THSD7A: variants seen among roughly 807,000 people sequenced by gnomAD.
THSD7A encodes the protein thrombospondin type 1 domain containing 7A, also known as thrombospondin type-1 domain-containing protein 7A.
In THSD7A, 96 loss-of-function variants were observed where a neutral mutation model predicts 231.3. The observed-to-expected ratio is 0.41, with a 90% CI of 0.35 to 0.49. The LOEUF is 0.49. Ranked by LOEUF, THSD7A falls within the 20% of genes least tolerant of loss-of-function variation. THSD7A has a pLI of 0.05. For synonymous variants in THSD7A, 940 were observed against 743.3 expected (o/e 1.26, Z -4.30); for missense variants, 2,290 against 2,070.2 (o/e 1.11, Z -2.06).
At chr7:11,568,643 AAAAAAAAAAAACC>A (rs1316571513) in intron 4 of THSD7A, among the ~76,000 whole-genome samples, 1 of 141,902 alleles carries the variant, frequency 7.0e-6, no homozygotes, top group Non-Finnish European at 1.5e-5. Flanking sequence ...AAAAAAAAAA[AAAAAAAAAAAACC>A]AAAATCTGGA....
chr7:11,651,714 T>C (rs1455944367), intron 1 of THSD7A, among the ~76,000 whole-genome samples: 1 of 151,938 alleles, frequency 6.6e-6, no homozygotes, highest in Non-Finnish European at 1.5e-5. Flanking sequence ...AAGCAAAAAG[T>C]AAAGGGCCAA....
intron 1 of THSD7A, among the ~76,000 whole-genome samples, chr7:11,667,844 T>C (rs1373693288): frequency 6.6e-6 from 1 of 152,168 alleles, no homozygotes; most frequent in Non-Finnish European, 1.5e-5. Context: ...ATCTGCTTTA[T>C]TCAAAGGATT....
intron 4 of THSD7A, among the ~76,000 whole-genome samples, chr7:11,551,769 C>G (rs1789637235): frequency 6.6e-6 from 1 of 152,106 alleles, no homozygotes; most frequent in East Asian, 1.9e-4. Flanking sequence ...AGTTCAGCCA[C>G]TGTGGAAAGC....
At chr7:11,791,050 T>C (rs960322564) in intron 1 of THSD7A, among the ~76,000 whole-genome samples, 12 of 151,974 alleles carry the variant, frequency 7.9e-5, no homozygotes, top group African/African-American at 2.9e-4. Context: ...TCAAGCCTTG[T>C]ATAATGTTCT....
chr7:11,784,322 C>T (rs933689784), intron 1 of THSD7A, among the ~76,000 whole-genome samples: 2 of 151,188 alleles, frequency 1.3e-5, no homozygotes, highest in African/African-American at 4.9e-5. Flanking sequence ...GCATGTCTTT[C>T]ATCAATTTTT....
intron 1 of THSD7A, among the ~76,000 whole-genome samples, chr7:11,666,506 G>T (rs892827263): frequency 1.3e-5 from 2 of 151,850 alleles, no homozygotes; most frequent in East Asian, 3.9e-4. Flanking sequence ...AATTTAACTT[G>T]TTGTTAACTT....
chr7:11,670,011 T>C (rs1459537844), intron 1 of THSD7A, among the ~76,000 whole-genome samples: 1 of 152,030 alleles, frequency 6.6e-6, no homozygotes, highest in Non-Finnish European at 1.5e-5. Flanking sequence ...AAGCTTGTGC[T>C]TGTAAATATG....
At chr7:11,640,165 A>T (rs541283995) in intron 1 of THSD7A, among the ~76,000 whole-genome samples, 1 of 152,324 alleles carries the variant, frequency 6.6e-6, no homozygotes, top group African/African-American at 2.4e-5. Flanking sequence ...TGTTTATCAC[A>T]TTAGACTGAC....
At chr7:11,658,871 T>C (rs1447597177) in intron 1 of THSD7A, among the ~76,000 whole-genome samples, 1 of 151,698 alleles carries the variant, frequency 6.6e-6, no homozygotes, top group Non-Finnish European at 1.5e-5. Flanking sequence ...ACATGTAAGA[T>C]GTACTGTATC....
At chr7:11,803,498 A>C (rs1024032191) in intron 1 of THSD7A, among the ~76,000 whole-genome samples, 1 of 152,154 alleles carries the variant, frequency 6.6e-6, no homozygotes, top group Non-Finnish European at 1.5e-5. Context: ...AAGGAAGAGT[A>C]AGAGCTATGA....
Position 11,637,094 on chromosome 7 carries a change from C to A in THSD7A, c.191-133G>T. The A allele has an allele frequency of 1.3e-6, 1 of 794,280 alleles. No individual in the cohort carries two copies. The highest frequency in any genetic ancestry group is 2.0e-6 in the Non-Finnish European group (1 of 511,246). 49.2% of individuals were successfully genotyped at this position (794,280 alleles called of 1,614,324 possible). A position where few individuals can be genotyped will look rare whatever the true frequency, so the allele number is the denominator to read the frequency against. ...GTGTTACAAAGTAGGTCTCTGGACA[C>A]GACTGTTGGAAAGTAATGATCCTCG... On this transcript the variant is annotated intron_variant, in intron 1 of 27. Transcript: ENST00000423059. The surrounding 1 kb of genome is among the most constrained non-coding windows in gnomAD (Gnocchi z 4.2).
In THSD7A at chr7:11,625,910, G is replaced by A. The variant is rs546906044; in HGVS notation, c.1022+10220C>T. On this transcript the variant is annotated intron_variant, in intron 2 of 27. Transcript: ENST00000423059. Reference sequence around the variant, plus strand: ...ACAGTTGCTGCCAAGGAAATGCAAGGTCACTGCCCCGATCAGCAGCAAGGC... The same window carrying A: ...ACAGTTGCTGCCAAGGAAATGCAAGATCACTGCCCCGATCAGCAGCAAGGC... Among the ~76,000 whole-genome samples the A allele has an allele frequency of 9.9e-5, 15 of 152,134 alleles. 1 individual carries two copies. The highest frequency in any genetic ancestry group is 2.1e-4 in the Non-Finnish European group (14 of 67,990).
chr7:11,821,737 G>T (rs996225013), intron 1 of THSD7A, among the ~76,000 whole-genome samples: 1 of 151,992 alleles, frequency 6.6e-6, no homozygotes, highest in Non-Finnish European at 1.5e-5. Flanking sequence ...TTACCCTACT[G>T]CATGTGACAT....
intron 23 of THSD7A, among the ~76,000 whole-genome samples, chr7:11,394,718 C>T (rs565880396): frequency 5.9e-5 from 9 of 152,298 alleles, no homozygotes; most frequent in African/African-American, 2.2e-4. Context: ...TGAATAAAAG[C>T]ATGCAGCTCC....
chr7:11,526,837 C>T (rs554001646), intron 6 of THSD7A, among the ~76,000 whole-genome samples: 4 of 152,052 alleles, frequency 2.6e-5, no homozygotes, highest in Admixed American at 6.6e-5. Flanking sequence ...ATCTTTACAG[C>T]AGTGTGAGGA....
chr7:11,785,902 A>G (rs1166339420), intron 1 of THSD7A, among the ~76,000 whole-genome samples: 1 of 152,072 alleles, frequency 6.6e-6, no homozygotes, highest in African/African-American at 2.4e-5. Context: ...GTAATCTTTA[A>G]TTCATCTTTC....
intron 2 of THSD7A, among the ~76,000 whole-genome samples, chr7:11,597,445 G>A (rs1242413544): frequency 6.6e-6 from 1 of 152,164 alleles, no homozygotes; most frequent in African/African-American, 2.4e-5. Flanking sequence ...GGTCCAGGCT[G>A]CTGTGCAAGC....
At chr7:11,828,482 T>C (rs1419973253) in intron 1 of THSD7A, among the ~76,000 whole-genome samples, 3 of 152,350 alleles carry the variant, frequency 2.0e-5, no homozygotes, top group African/African-American at 7.2e-5. Flanking sequence ...AACTTCTTTG[T>C]TCTTATAATG....
chr7:11,773,907 T>A (rs1295752549), intron 1 of THSD7A, among the ~76,000 whole-genome samples: 1 of 152,096 alleles, frequency 6.6e-6, no homozygotes, highest in African/African-American at 2.4e-5. Context: ...ACAAATGGCA[T>A]GAAGAGACAA....
Sources: gnomAD v4.1 joint callset for allele counts (sites outside exome capture counted in the v4.1 genomes callset) on GRCh38, gnomAD v4.1.1 for gene constraint, Gnocchi (gnomAD v3.1) non-coding constraint, MANE v1.5 for transcripts, NCBI Gene and HGNC (gene_info 2026-07-23, HGNC 2026-07-21) for gene names.